The following NCALD variants were observed in gnomAD, a reference collection of about 807,000 sequenced individuals.
NCALD encodes the protein neurocalcin delta.
NCALD carries 10 observed loss-of-function variants against 18.6 expected under a neutral mutation model. The ratio of observed to expected loss-of-function variants is 0.54; its 90% CI spans 0.33 to 0.91. The LOEUF (loss-of-function observed/expected upper bound fraction) is 0.91. Ranked by LOEUF, NCALD falls within the 40% of genes least tolerant of loss-of-function variation. NCALD has a pLI of 0.03. For missense variants in NCALD, 184 were observed against 247.6 expected (o/e 0.74, Z 1.72); for synonymous variants, 88 against 87.4 (o/e 1.01, Z -0.04).
intron 2 of NCALD, among the ~76,000 whole-genome samples, chr8:102,010,893 C>G (rs188611071): frequency 6.6e-6 from 1 of 152,308 alleles, no homozygotes; most frequent in Non-Finnish European, 1.5e-5. Flanking sequence ...CAATGAGCAA[C>G]TCAATCATTT....
At chr8:101,880,952 A>C (rs1816470479) in intron 4 of NCALD, among the ~76,000 whole-genome samples, 1 of 152,192 alleles carries the variant, frequency 6.6e-6, no homozygotes, top group Non-Finnish European at 1.5e-5. Context: ...CATGAAAAGG[A>C]CTTAGAACTT....
chr8:101,919,243 G>C (rs1426323095), intron 2 of NCALD, among the ~76,000 whole-genome samples: 1 of 152,132 alleles, frequency 6.6e-6, no homozygotes, highest in African/African-American at 2.4e-5. Flanking sequence ...ACAGCTATCT[G>C]ATCTTCAACA....
At position 101,712,244 on chromosome 8, in the gene NCALD, A is replaced by G. The variant is rs182362547; in HGVS notation, c.378+7008T>C. Among the ~76,000 whole-genome samples, 24 of 152,330 alleles carry G rather than the reference A, an allele frequency of 1.6e-4. No individual in the cohort carries two copies. In the East Asian group the frequency reaches 4.6e-3, roughly 29 times the overall value. ...ATTTTGTCACCACCAGCCATACAAG[A>G]GTTCCCAAAGGAAGCACTAAATATG... is the stretch of plus-strand genomic sequence containing the variant. On this transcript the variant is annotated intron_variant, in intron 2 of 3. Coordinates refer to ENST00000220931, the MANE Select transcript of NCALD (RefSeq NM_032041.3).
chr8:101,931,086 G>A (rs369411920), intron 2 of NCALD, among the ~76,000 whole-genome samples: 2 of 152,132 alleles, frequency 1.3e-5, no homozygotes, highest in African/African-American at 4.8e-5. Context: ...CCTGATGTCC[G>A]CCAGCGTGGA....
chr8:101,891,751 T>C (rs553463), intron 3 of NCALD, among the ~76,000 whole-genome samples: 60,256 of 152,002 alleles, frequency 0.4, 15,337 homozygotes, highest in African/African-American at 0.72. Context: ...AAAGGGGTGA[T>C]GGACGTACCT....
chr8:101,790,118 A>C (rs1053794138), intron 1 of NCALD, among the ~76,000 whole-genome samples: 1 of 152,290 alleles, frequency 6.6e-6, no homozygotes, highest in Admixed American at 6.5e-5. Flanking sequence ...AACAGCTTAC[A>C]TGACTCCTTA....
chr8:101,879,825 C>T (rs1563852124), intron 4 of NCALD, among the ~76,000 whole-genome samples: 1 of 152,202 alleles, frequency 6.6e-6, no homozygotes, highest in African/African-American at 2.4e-5. Context: ...TTGAGCTAGA[C>T]ACAGGCTGCT....
At chr8:101,788,443 G>C (rs914632636) in intron 1 of NCALD, among the ~76,000 whole-genome samples, 6 of 152,134 alleles carry the variant, frequency 3.9e-5, no homozygotes, top group African/African-American at 1.4e-4. Context: ...AGTTGTTGTA[G>C]ATATCCTGAA....
chr8:101,986,754 A>T (rs929394309), intron 2 of NCALD: 1 of 152,242 alleles, frequency 6.6e-6, no homozygotes, highest in African/African-American at 2.4e-5. Context: ...TGCTTATTAG[A>T]TTAGTTAATA....
intron 3 of NCALD, among the ~76,000 whole-genome samples, chr8:101,897,259 C>T (rs1341644902): frequency 2.0e-5 from 3 of 148,622 alleles, no homozygotes; most frequent in Non-Finnish European, 4.4e-5. Context: ...AGTAAACTAT[C>T]GCAAGAACAA....
At chr8:102,123,812 C>G (rs1407275803) in intron 1 of NCALD, 1 of 150,764 alleles carries the variant, frequency 6.6e-6, no homozygotes, top group Non-Finnish European at 1.5e-5. Context: ...GCGGGTGCCC[C>G]GGCCCCCGGC....
chr8:101,761,588 C>T (rs1811111016), intron 1 of NCALD, among the ~76,000 whole-genome samples: 1 of 152,220 alleles, frequency 6.6e-6, no homozygotes, highest in Admixed American at 6.5e-5. Context: ...TTTGAAGGCA[C>T]TGAGAGTGTA....
At chr8:101,913,312 A>C (rs1477301803) in intron 3 of NCALD, among the ~76,000 whole-genome samples, 39 of 152,232 alleles carry the variant, frequency 2.6e-4, no homozygotes, top group Admixed American at 2.6e-3. Flanking sequence ...CTGATTTGCC[A>C]ATTATTATTT....
chr8:101,815,755 C>T (rs919145769), intron 4 of NCALD, among the ~76,000 whole-genome samples: 8 of 152,124 alleles, frequency 5.3e-5, no homozygotes, highest in African/African-American at 1.9e-4. Flanking sequence ...CAAAACTAAA[C>T]ATACTCTTAA....
At chr8:101,976,736 C>G (rs1209295083) in intron 2 of NCALD, among the ~76,000 whole-genome samples, 2 of 152,202 alleles carry the variant, frequency 1.3e-5, no homozygotes, top group African/African-American at 4.8e-5. Context: ...GTGTCAGGCA[C>G]TTGGTCAGAC....
At chr8:102,011,740 A>AATT (rs2132067575) in intron 2 of NCALD, among the ~76,000 whole-genome samples, 1 of 152,322 alleles carries the variant, frequency 6.6e-6, no homozygotes, top group South Asian at 2.1e-4. Context: ...AGCATGTAAA[A>AATT]ATTATTCTGT....
upstream of NCALD, chr8:102,124,693 G>C (rs758393096): frequency 6.6e-6 from 1 of 152,618 alleles, no homozygotes; most frequent in African/African-American, 2.4e-5. Flanking sequence ...TTTGAGGGGG[G>C]GTCTGGGGTC....
chr8:102,104,503 T>TA (rs561284528), intron 1 of NCALD, among the ~76,000 whole-genome samples: 76 of 152,142 alleles, frequency 5.0e-4, no homozygotes, highest in African/African-American at 1.8e-3. Flanking sequence ...AATTATAACC[T>TA]AAAAAAACCA....
intron 1 of NCALD, among the ~76,000 whole-genome samples, chr8:101,749,132 A>G (rs1810547966): frequency 1.3e-5 from 2 of 152,234 alleles, no homozygotes; most frequent in Admixed American, 6.5e-5. Context: ...TCTAACACTT[A>G]TTTCTAACCA....
Sources: gnomAD v4.1 joint callset for allele counts (sites outside exome capture counted in the v4.1 genomes callset) on GRCh38, gnomAD v4.1.1 for gene constraint, MANE v1.5 for transcripts, NCBI Gene and HGNC (gene_info 2026-07-23, HGNC 2026-07-21) for gene names.